ADAMTS17: variants seen among roughly 807,000 people sequenced by gnomAD.
ADAMTS17 encodes A disintegrin and metalloproteinase with thrombospondin motifs 17.
ADAMTS17 carries 113 observed loss-of-function variants against 141.5 expected under a neutral mutation model. The observed-to-expected ratio is 0.80, with a 90% CI of 0.69 to 0.93. ADAMTS17 has a LOEUF of 0.93. Among genes scored for constraint, ADAMTS17 ranks in the 40% least tolerant of loss-of-function variants. ADAMTS17 has a pLI of 0.00. For missense variants in ADAMTS17, 1,659 were observed against 1,517.9 expected (o/e 1.09, Z -1.54); for synonymous variants, 768 against 630.6 (o/e 1.22, Z -3.27).
At chr15:100,119,043 T>TAC (rs60655404) in intron 12 of ADAMTS17, among the ~76,000 whole-genome samples, 26,641 of 148,630 alleles carry the variant, frequency 0.18, 2,544 homozygotes, top group East Asian at 0.42. Flanking sequence ...CATCTGGAGA[T>TAC]ACACACACAC....
intron 8 of ADAMTS17, among the ~76,000 whole-genome samples, chr15:100,194,880 T>A (rs1438464971): frequency 1.3e-5 from 2 of 152,200 alleles, no homozygotes; most frequent in Admixed American, 1.3e-4. Flanking sequence ...ATGCCTGTTG[T>A]AGCCATCTTC....
intron 14 of ADAMTS17, among the ~76,000 whole-genome samples, chr15:100,097,393 T>C (rs995094180): frequency 2.0e-5 from 3 of 152,084 alleles, no homozygotes; most frequent in Non-Finnish European, 2.9e-5. Flanking sequence ...ACTCAAGAAA[T>C]CAAGATGCAA....
At chr15:100,254,296 A>C in intron 6 of ADAMTS17, 117 bp from the exon 7 acceptor site, 1 of 918,502 alleles carries the variant, frequency 1.1e-6, no homozygotes, top group Middle Eastern at 2.5e-4. Flanking sequence ...CAGTGGACAC[A>C]GGCCACAGCG....
intron 7 of ADAMTS17, among the ~76,000 whole-genome samples, chr15:100,221,383 C>T (rs2042129660): frequency 6.6e-6 from 1 of 151,820 alleles, no homozygotes; most frequent in African/African-American, 2.4e-5. Flanking sequence ...AATTTTGCTA[C>T]AGTAGTGGAC....
At chr15:100,237,288 G>A (rs1468850753) in intron 7 of ADAMTS17, among the ~76,000 whole-genome samples, 1 of 152,160 alleles carries the variant, frequency 6.6e-6, no homozygotes, top group Non-Finnish European at 1.5e-5. Context: ...CTCTCCCTCA[G>A]TAAGCCTCAG....
chr15:99,984,845 G>T (rs1278354854), intron 20 of ADAMTS17, among the ~76,000 whole-genome samples: 1 of 152,232 alleles, frequency 6.6e-6, no homozygotes, highest in Non-Finnish European at 1.5e-5. Flanking sequence ...CTGTGGTGGA[G>T]ACGGGGCATG....
chr15:100,099,679 G>A (rs74037361), intron 14 of ADAMTS17, among the ~76,000 whole-genome samples: 9,158 of 152,170 alleles, frequency 0.06, 497 homozygotes, highest in South Asian at 0.16. Flanking sequence ...GCTAAGTCAG[G>A]GTGTATGTGA....
rs760525532 is a variant in ADAMTS17, at chr15:99,994,807, AC to A, written c.2797-1608del. Among the ~76,000 whole-genome samples the A allele has an allele frequency of 5.3e-5, 8 of 152,274 alleles. No homozygotes were observed. In the East Asian group the frequency reaches 1.5e-3, roughly 29 times the overall value. The stretch of plus-strand genomic sequence containing the variant: ...GTCTCAATCTCCTGACTCGTGATCC[AC>A]CCGACTTGGCCTCCCAAAGTGCTGG... On this transcript the variant is annotated intron_variant, in intron 19 of 21. Transcript: ENST00000268070.
chr15:100,102,984 T>C (rs2036210962), intron 14 of ADAMTS17, among the ~76,000 whole-genome samples: 1 of 152,240 alleles, frequency 6.6e-6, no homozygotes, highest in Non-Finnish European at 1.5e-5. Flanking sequence ...AGCTCTGGCC[T>C]CTGCTGCTTT....
At chr15:100,131,437 A>G (rs909574319) in intron 12 of ADAMTS17, among the ~76,000 whole-genome samples, 11 of 151,814 alleles carry the variant, frequency 7.2e-5, no homozygotes, top group African/African-American at 2.7e-4. Context: ...AATTATCACC[A>G]TCAAGCCCAA....
rs186616178 is a variant in ADAMTS17, at chr15:99,997,854, G to A, written c.2592-265C>T. 3.5e-4 allele frequency among the ~76,000 whole-genome samples: 53 copies of A among 152,260 alleles called. No homozygotes were observed. The highest frequency in any genetic ancestry group is 1.1e-3 in the African/African-American group (44 of 41,554). On this transcript the variant is annotated intron_variant, in intron 18 of 21. Coordinates refer to ENST00000268070, the MANE Select transcript of ADAMTS17 (RefSeq NM_139057.4). This position sits in a 1 kb window ranked among gnomAD's most constrained non-coding sequence, Gnocchi z 4.7. Reference sequence around the variant, plus strand: ...ACGGCAGACAGAATTATCTGGTCACGGCCTCCCTGTAGGGAATTACGTATC... The same window carrying A: ...ACGGCAGACAGAATTATCTGGTCACAGCCTCCCTGTAGGGAATTACGTATC...
intron 18 of ADAMTS17, among the ~76,000 whole-genome samples, chr15:100,008,253 T>G (rs938495680): frequency 3.3e-5 from 5 of 151,614 alleles, no homozygotes; most frequent in African/African-American, 4.9e-5. Context: ...AGGGGGTGTG[T>G]GGGGGCCTGT....
intron 4 of ADAMTS17, among the ~76,000 whole-genome samples, chr15:100,277,701 C>A (rs1372446382): frequency 2.0e-5 from 3 of 152,232 alleles, no homozygotes; most frequent in Non-Finnish European, 4.4e-5. Context: ...GGAACTATTT[C>A]TCAGAAATGA....
chr15:100,158,042 G>T (rs188646023), intron 8 of ADAMTS17, among the ~76,000 whole-genome samples: 1 of 152,202 alleles, frequency 6.6e-6, no homozygotes, highest in Admixed American at 6.5e-5. Context: ...GCACGCGCCA[G>T]CACGCCTGGC....
At position 99,997,976 on chromosome 15, in the gene ADAMTS17, T is replaced by TCAAC. The variant is rs2060839433; in HGVS notation, c.2592-388_2592-387insGTTG. On this transcript the variant is annotated intron_variant, in intron 18 of 21. Coordinates refer to ENST00000268070, the MANE Select transcript of ADAMTS17 (RefSeq NM_139057.4). This position sits in a 1 kb window ranked among gnomAD's most constrained non-coding sequence, Gnocchi z 4.7. ...AAGCTCTGAATGTGGTTATGTGGTTTGGCTCTGATTCTCTTTACTTCTTAC... is the reference window on the plus strand; with the variant it reads ...AAGCTCTGAATGTGGTTATGTGGTTTCAACGGCTCTGATTCTCTTTACTTCTTAC... Among the ~76,000 whole-genome samples, 1 of 152,236 alleles carries TCAAC rather than the reference T, an allele frequency of 6.6e-6. No individual in the cohort carries two copies. Among genetic ancestry groups the TCAAC allele is most frequent in the Non-Finnish European group, 1.5e-5 (1 of 68,044 alleles).
At chr15:100,151,828 G>A (rs1479950108) in intron 10 of ADAMTS17, among the ~76,000 whole-genome samples, 4 of 152,200 alleles carry the variant, frequency 2.6e-5, no homozygotes, top group Non-Finnish European at 5.9e-5. Context: ...GTACCCACAT[G>A]CCCCTCTTGG....
chr15:100,098,054 G>A (rs1388923363), intron 14 of ADAMTS17, among the ~76,000 whole-genome samples: 6 of 152,170 alleles, frequency 3.9e-5, no homozygotes, highest in Non-Finnish European at 8.8e-5. Context: ...GATCAAACTT[G>A]TTCAAAGTTA....
At chr15:100,277,898 A>G (rs1380491492) in intron 4 of ADAMTS17, among the ~76,000 whole-genome samples, 1 of 152,276 alleles carries the variant, frequency 6.6e-6, no homozygotes, top group Non-Finnish European at 1.5e-5. Context: ...GCATATGCTG[A>G]CAGACGAATG....
chr15:100,201,338 C>G (rs569199647), intron 7 of ADAMTS17, among the ~76,000 whole-genome samples: 27 of 151,998 alleles, frequency 1.8e-4, no homozygotes, highest in African/African-American at 3.1e-4. Flanking sequence ...TCCCCTCCCC[C>G]CTCTCTCCTG....
Sources: allele counts gnomAD v4.1 joint callset (sites outside exome capture counted in the v4.1 genomes callset), GRCh38; gene constraint gnomAD v4.1.1; non-coding constraint Gnocchi (gnomAD v3.1); transcripts MANE v1.5; gene names NCBI Gene and HGNC (gene_info 2026-07-23, HGNC 2026-07-21).